ODAD2: variants seen among roughly 807,000 people sequenced by gnomAD.
The protein encoded by ODAD2 is outer dynein arm-docking complex subunit 2.
A neutral mutation model predicts 106.8 loss-of-function variants in ODAD2; 89 were observed. The observed-to-expected ratio is 0.83, with a 90% CI of 0.70 to 0.99. The LOEUF (loss-of-function observed/expected upper bound fraction) is 0.99, where lower values mean the gene tolerates loss of function less well. Ranked by LOEUF, ODAD2 falls within the 50% of genes least tolerant of loss-of-function variation. The pLI is 0.00. For missense variants in ODAD2, 1,168 were observed against 1,238.5 expected, an observed-to-expected ratio of 0.94 and a Z score of 0.85; for synonymous variants, 404 against 436.2, an observed-to-expected ratio of 0.93 and a Z score of 0.92.
intron 17 of ODAD2, among the ~76,000 whole-genome samples, chr10:27,903,794 A>G (rs1289665733): frequency 6.6e-6 from 1 of 152,062 alleles, no homozygotes; most frequent in Non-Finnish European, 1.5e-5. Flanking sequence ...CCACCAATAC[A>G]TGCAAGAAAC....
chr10:27,836,989 G>A (rs1017180484), intron 19 of ODAD2, among the ~76,000 whole-genome samples: 3 of 152,144 alleles, frequency 2.0e-5, no homozygotes, highest in African/African-American at 7.2e-5. Context: ...CTTAAGTCAG[G>A]CTCTTGAGTT....
intron 17 of ODAD2, among the ~76,000 whole-genome samples, chr10:27,882,182 A>G (rs1450822367): frequency 7.4e-6 from 1 of 135,650 alleles, no homozygotes; most frequent in African/African-American, 2.6e-5. Flanking sequence ...AAAAAGAAAG[A>G]AAGAAAGAAA....
chr10:27,981,366 T>A, intron 7 of ODAD2, 100 bp downstream of exon 7: 1 of 1,148,094 alleles, frequency 8.7e-7, no homozygotes, highest in South Asian at 2.2e-5. Flanking sequence ...TAATAAAAAG[T>A]GCCCAAAAAT....
Position 27,946,515 on chromosome 10 carries a change from T to C in ODAD2, c.1387-1553A>G, listed in dbSNP as rs1846940174. On this transcript the variant is annotated intron_variant, in intron 10 of 19. Transcript: ENST00000305242. ...ATTTATCACCTTAAACACATCTTTT[T>C]TTGTGGTGGGAACTTTACAATTCCT... Among the ~76,000 whole-genome samples, 4 of 152,178 alleles carry C rather than the reference T, an allele frequency of 2.6e-5. No individual in the cohort carries two copies. The South Asian group carries it at 6.2e-4, about 24-fold the overall frequency.
At chr10:27,868,338 C>G (rs1564446093) in intron 17 of ODAD2, among the ~76,000 whole-genome samples, 1 of 151,998 alleles carries the variant, frequency 6.6e-6, no homozygotes, top group African/African-American at 2.4e-5. Flanking sequence ...GGTATATACC[C>G]AAAGGAATAT....
In ODAD2 at chr10:27,998,157, T is replaced by C. The variant is rs143362054; in HGVS notation, c.-39+837A>G. Among the ~76,000 whole-genome samples, 1,109 of 152,322 alleles carry C rather than the reference T, an allele frequency of 7.3e-3. 1 individual carries two copies. Among genetic ancestry groups the C allele is most frequent in the Non-Finnish European group, 9.7e-3 (663 of 68,020 alleles). ...GCTACGGAAAGGCAGCCATCAGCTC[T>C]GAGATCTATGAAATGTGGTTGGTAA... On this transcript the variant is annotated intron_variant, in intron 1 of 19. Transcript: ENST00000305242.
chr10:27,866,639 G>A (rs1283182052), intron 17 of ODAD2, among the ~76,000 whole-genome samples: 2 of 152,194 alleles, frequency 1.3e-5, no homozygotes, highest in African/African-American at 4.8e-5. Context: ...GCCTCAGGAA[G>A]CTTCCACTCA....
intron 16 of ODAD2, among the ~76,000 whole-genome samples, chr10:27,931,668 G>C (rs1845627367): frequency 6.7e-6 from 1 of 150,134 alleles, no homozygotes; most frequent in African/African-American, 2.5e-5. Flanking sequence ...TCTAATACTT[G>C]CTTAAAACAG....
At chr10:27,842,993 G>A (rs909019124) in intron 19 of ODAD2, among the ~76,000 whole-genome samples, 2 of 152,076 alleles carry the variant, frequency 1.3e-5, no homozygotes, top group East Asian at 3.9e-4. Context: ...TAAAACAAAA[G>A]ATTCATGTTC....
intron 18 of ODAD2, 107 bp downstream of exon 18, chr10:27,862,327 T>C (rs1840105869): frequency 1.3e-6 from 1 of 776,340 alleles, no homozygotes; most frequent in Admixed American, 2.8e-5. Flanking sequence ...AAGCAATGGG[T>C]ATTAAACTTG....
At chr10:27,873,046 C>A (rs4411816) in intron 17 of ODAD2, among the ~76,000 whole-genome samples, 2 of 119,860 alleles carry the variant, frequency 1.7e-5, no homozygotes, top group African/African-American at 2.6e-5. Flanking sequence ...AACAATTGGT[C>A]TATTGAGGGA....
intron 3 of ODAD2, among the ~76,000 whole-genome samples, chr10:27,986,859 A>G (rs1849903611): frequency 1.3e-5 from 2 of 152,080 alleles, no homozygotes; most frequent in African/African-American, 4.8e-5. Context: ...GACTGTAACT[A>G]TTCACAGAAG....
chr10:27,885,646 TA>T (rs1842082888), intron 17 of ODAD2, among the ~76,000 whole-genome samples: 2 of 34,714 alleles, frequency 5.8e-5, no homozygotes, highest in African/African-American at 1.7e-4. Flanking sequence ...ATATTATATA[TA>T]TTATATATAA....
intron 19 of ODAD2, among the ~76,000 whole-genome samples, chr10:27,828,921 T>A (rs919055317): frequency 2.0e-5 from 3 of 152,158 alleles, no homozygotes; most frequent in Non-Finnish European, 4.4e-5. Context: ...AGAAAAAGTA[T>A]AAGTTCCTAA....
intron 19 of ODAD2, among the ~76,000 whole-genome samples, chr10:27,854,038 T>C (rs886911299): frequency 1.3e-5 from 2 of 152,046 alleles, no homozygotes; most frequent in African/African-American, 4.8e-5. Flanking sequence ...CAAAACCCAA[T>C]GATAAGAAAA....
intron 17 of ODAD2, among the ~76,000 whole-genome samples, chr10:27,887,981 G>A (rs1488762011): frequency 6.6e-6 from 1 of 151,998 alleles, no homozygotes; most frequent in East Asian, 1.9e-4. Flanking sequence ...TACCAAGACT[G>A]AATCATGAAG....
chr10:27,898,743 G>A (rs552406414), intron 17 of ODAD2, among the ~76,000 whole-genome samples: 9 of 152,050 alleles, frequency 5.9e-5, no homozygotes, highest in Admixed American at 1.3e-4. Context: ...TTTGTGATAT[G>A]TATTGATATT....
chr10:27,936,962 TA>T, intron 14 of ODAD2, 82 bp from the exon 15 acceptor site: 1 of 1,441,370 alleles, frequency 6.9e-7, no homozygotes, highest in South Asian at 1.4e-5. Context: ...GCCATTCTAG[TA>T]GCTAGGAAAC....
chr10:27,859,105 A>C (rs972950505), intron 19 of ODAD2, among the ~76,000 whole-genome samples: 10 of 151,940 alleles, frequency 6.6e-5, no homozygotes, highest in Non-Finnish European at 1.3e-4. Flanking sequence ...CCTGTTCAAT[A>C]AAAGTATGCA....
Sources: allele counts gnomAD v4.1 joint callset (sites outside exome capture counted in the v4.1 genomes callset), GRCh38; gene constraint gnomAD v4.1.1; transcripts MANE v1.5; gene names NCBI Gene and HGNC (gene_info 2026-07-23, HGNC 2026-07-21).